The following MTMR12 variants were observed in gnomAD, a reference collection of about 807,000 sequenced individuals.
MTMR12 encodes the protein myotubularin related protein 12.
Under a neutral mutation model 96.7 loss-of-function variants are expected in MTMR12, and 33 were observed. That is an observed-to-expected ratio of 0.34 (90% CI 0.26 to 0.46). MTMR12 has a LOEUF of 0.46. MTMR12 is among the 20% of genes least tolerant of loss of function. MTMR12 has a pLI of 1.00. For synonymous variants in MTMR12, 298 were observed against 327.2 expected, an observed-to-expected ratio of 0.91 and a Z score of 0.96; for missense variants, 721 against 896.1, an observed-to-expected ratio of 0.80 and a Z score of 2.49.
intron 2 of MTMR12, among the ~76,000 whole-genome samples, 184 bp downstream of exon 2, chr5:32,276,498 T>C (rs1233795281): frequency 6.6e-6 from 1 of 152,150 alleles, no homozygotes; most frequent in African/African-American, 2.4e-5. Context: ...TTTGCAGATG[T>C]TGTAATACTC....
Position 32,233,012 on chromosome 5 carries a change from G to A in MTMR12, c.1674+761C>T. 3 of 984,800 alleles carry A rather than the reference G, an allele frequency of 3.0e-6. No homozygotes were observed. Among genetic ancestry groups the A allele is most frequent in the Non-Finnish European group, 3.6e-6 (3 of 829,334 alleles). The allele number at this position is 984,800 out of a possible 1,614,324, so 61.0% of individuals were successfully genotyped here. ...CTGTGGGGGAGAAATTCTGGGCCTG[G>A]AGACAGAGCTAGGAAATGTCAGTTA... On this transcript the variant is annotated intron_variant, in intron 15 of 15. Transcript: ENST00000382142. This position sits in a 1 kb window ranked among gnomAD's most constrained non-coding sequence, Gnocchi z 5.0.
intron 8 of MTMR12, among the ~76,000 whole-genome samples, chr5:32,254,252 C>T (rs1749057559): frequency 1.3e-5 from 2 of 152,212 alleles, no homozygotes; most frequent in African/African-American, 4.8e-5. Flanking sequence ...TGAGAGGCCA[C>T]AGCTATTTTC....
At chr5:32,242,229 CTCT>C in intron 11 of MTMR12, 102 bp from the exon 12 acceptor site, 1 of 698,168 alleles carries the variant, frequency 1.4e-6, no homozygotes, top group Non-Finnish European at 2.2e-6. Flanking sequence ...TCAGTCTTCT[CTCT>C]TATTTTTTTT....
chr5:32,291,545 A>G (rs1376365845), intron 1 of MTMR12, among the ~76,000 whole-genome samples: 4 of 152,196 alleles, frequency 2.6e-5, no homozygotes, highest in Non-Finnish European at 5.9e-5. Flanking sequence ...GTGAGTGCTC[A>G]GCAATGGGTG....
intron 1 of MTMR12, among the ~76,000 whole-genome samples, chr5:32,281,963 A>G (rs1750312917): frequency 6.6e-6 from 1 of 152,152 alleles, no homozygotes; most frequent in Non-Finnish European, 1.5e-5. Context: ...CACACAAAAA[A>G]GCTTTCTCAG....
chr5:32,242,847 T>G (rs74773149), intron 11 of MTMR12, among the ~76,000 whole-genome samples: 2,705 of 152,156 alleles, frequency 0.018, 43 homozygotes, highest in East Asian at 0.07. Flanking sequence ...CAGTTCAGTG[T>G]CTGGAGGGCC....
chr5:32,228,558 T>TATATATATCATATATATGTG lies in MTMR12; in HGVS notation c.*1219_*1220insCACATATATATGATATATAT, dbSNP rs1561726718. 8.6e-6 allele frequency: 1 copy of TATATATATCATATATATGTG among 116,460 alleles called. No individual in the cohort carries two copies. Among genetic ancestry groups the TATATATATCATATATATGTG allele is most frequent in the African/African-American group, 3.5e-5 (1 of 28,916 alleles). 7.2% of individuals were successfully genotyped at this position (116,460 alleles called of 1,614,324 possible). A position where few individuals can be genotyped will look rare whatever the true frequency, so the allele number is the denominator to read the frequency against. ...TGATATATATATCATATATATGTGA[T>TATATATATCATATATATGTG]ATATATATATCATATATATATCATA... is the stretch of plus-strand genomic sequence containing the variant. On this transcript the variant is annotated 3_prime_UTR_variant, in exon 16 of 16. Coordinates refer to ENST00000382142, the MANE Select transcript of MTMR12 (RefSeq NM_001040446.3).
intron 1 of MTMR12, among the ~76,000 whole-genome samples, chr5:32,295,559 G>A (rs1750893106): frequency 6.6e-6 from 1 of 152,108 alleles, no homozygotes. Flanking sequence ...AGGGCTACTT[G>A]GAAACTCAAC....
intron 6 of MTMR12, among the ~76,000 whole-genome samples, chr5:32,267,179 C>G (rs953102698): frequency 6.6e-6 from 1 of 151,948 alleles, no homozygotes; most frequent in African/African-American, 2.4e-5. Flanking sequence ...AGTTCAAGAG[C>G]AGCCTGGCCA....
chr5:32,291,678 TG>T (rs1750741933), intron 1 of MTMR12, among the ~76,000 whole-genome samples: 3 of 152,140 alleles, frequency 2.0e-5, no homozygotes, highest in African/African-American at 7.2e-5. Context: ...GAAATGGCCA[TG>T]GTGGCAGGGA....
rs1297398303 is a variant in MTMR12, at chr5:32,312,764, G to T, written c.75C>A (p.Arg25=). 1 of 1,527,274 alleles carries T rather than the reference G, an allele frequency of 6.5e-7. No individual in the cohort carries two copies. The highest frequency in any genetic ancestry group is 1.4e-5 in the African/African-American group (1 of 69,792). 94.6% of individuals were successfully genotyped at this position (1,527,274 alleles called of 1,614,324 possible). A position where few individuals can be genotyped will look rare whatever the true frequency, so the allele number is the denominator to read the frequency against. The stretch of plus-strand genomic sequence containing the variant: ...CTGCGCGGCGCCCCCTCACCTCAGG[G>T]CGTACGTACGACACGAAGGAGGGCT... ...APKPSFVSYV[R]PEEIHTNEKE... is the part of the protein sequence containing the mutation. Residue 25 remains arginine (R), a synonymous_variant, in exon 1 of 16, where the codon CGC becomes CGA. Coordinates refer to ENST00000382142, the MANE Select transcript of MTMR12 (RefSeq NM_001040446.3). The surrounding 1 kb of genome is among the most constrained non-coding windows in gnomAD (Gnocchi z 5.0).
At chr5:32,251,180 C>T (rs1024465061) in intron 8 of MTMR12, among the ~76,000 whole-genome samples, 2 of 151,034 alleles carry the variant, frequency 1.3e-5, no homozygotes, top group African/African-American at 2.4e-5. Flanking sequence ...CTCAGCCTCC[C>T]GAGTAGCTGG....
chr5:32,270,880 G>A lies in MTMR12; in HGVS notation c.426C>T (p.His142=). Residue 142 remains histidine, a synonymous_variant, in exon 5 of 16, where the codon CAC becomes CAT. Coordinates refer to ENST00000382142, the MANE Select transcript of MTMR12 (RefSeq NM_001040446.3). ...LKKYPEKLII[H]CKDLRVFQFC... is the part of the protein sequence containing the mutation. ...ACTGGAACACTCGAAGGTCTTTGCA[G>A]TGGATGATGAGCTTCTCAGGGTATT... 1 of 1,614,062 alleles carries A rather than the reference G, an allele frequency of 6.2e-7. No homozygotes were observed. Among genetic ancestry groups the A allele is most frequent in the Non-Finnish European group, 8.5e-7 (1 of 1,179,954 alleles).
chr5:32,241,204 G>A (rs1339048944), intron 12 of MTMR12, among the ~76,000 whole-genome samples: 2 of 152,158 alleles, frequency 1.3e-5, no homozygotes, highest in Admixed American at 6.5e-5. Flanking sequence ...CGGCTGGTTA[G>A]GTCTTTTTCA....
rs193066122 is a variant in MTMR12, at chr5:32,306,863, T to C, written c.81+5895A>G. ...ACAAATAAGTGCCCGTTAACTATTA[T>C]TAGTTCATTCAGGTCAAACACTGAC... On this transcript the variant is annotated intron_variant, in intron 1 of 15. Transcript: ENST00000382142. Among the ~76,000 whole-genome samples, 94 of 152,340 alleles carry C rather than the reference T, an allele frequency of 6.2e-4. 1 individual carries two copies. In the East Asian group the frequency reaches 0.017, roughly 27 times the overall value.
At chr5:32,281,744 A>G (rs1038862853) in intron 1 of MTMR12, among the ~76,000 whole-genome samples, 2 of 152,052 alleles carry the variant, frequency 1.3e-5, no homozygotes, top group Non-Finnish European at 2.9e-5. Flanking sequence ...TACTGAAAAT[A>G]TAAAAATTAG....
At chr5:32,256,999 C>A (rs1231219018) in intron 7 of MTMR12, among the ~76,000 whole-genome samples, 1 of 152,166 alleles carries the variant, frequency 6.6e-6, no homozygotes, top group Non-Finnish European at 1.5e-5. Context: ...ATTTGTAAGA[C>A]ACGGCTGGAC....
intron 1 of MTMR12, among the ~76,000 whole-genome samples, chr5:32,282,696 T>C (rs1362202014): frequency 6.6e-6 from 1 of 152,104 alleles, no homozygotes; most frequent in African/African-American, 2.4e-5. Context: ...ATAAGAATCA[T>C]AAAGAAATCC....
intron 6 of MTMR12, among the ~76,000 whole-genome samples, chr5:32,267,148 C>G (rs780360975): frequency 6.6e-6 from 1 of 151,038 alleles, no homozygotes; most frequent in African/African-American, 2.4e-5. Context: ...AGGCCGAGGC[C>G]GTGGATCACC....
Sources: gnomAD v4.1 joint callset for allele counts (sites outside exome capture counted in the v4.1 genomes callset) on GRCh38, gnomAD v4.1.1 for gene constraint, Gnocchi (gnomAD v3.1) non-coding constraint, MANE v1.5 for transcripts, NCBI Gene and HGNC (gene_info 2026-07-23, HGNC 2026-07-21) for gene names.